MAP4K4: variants seen among roughly 807,000 people sequenced by gnomAD.
The protein encoded by MAP4K4 is HPK/GCK-like kinase HGK.
A neutral mutation model predicts 189.6 loss-of-function variants in MAP4K4; 38 were observed. That is an observed-to-expected ratio of 0.20 (90% confidence interval 0.15 to 0.26). The LOEUF is 0.26. Among genes scored for constraint, MAP4K4 ranks in the 10% least tolerant of loss-of-function variants. The pLI is 1.00. For synonymous variants in MAP4K4, 610 were observed against 624.3 expected, an observed-to-expected ratio of 0.98 and a Z score of 0.34; for missense variants, 1,054 against 1,726.9, an observed-to-expected ratio of 0.61 and a Z score of 6.91.
At chr2:101,886,202 A>G (rs895395078) in intron 29 of MAP4K4, among the ~76,000 whole-genome samples, 2 of 152,190 alleles carry the variant, frequency 1.3e-5, no homozygotes, top group Non-Finnish European at 2.9e-5. Flanking sequence ...TCCTTTATAT[A>G]CCAGGTACCG....
At chr2:101,717,836 A>G (rs2049273160) in intron 2 of MAP4K4, among the ~76,000 whole-genome samples, 1 of 152,216 alleles carries the variant, frequency 6.6e-6, no homozygotes, top group Non-Finnish European at 1.5e-5. Flanking sequence ...ATAGGATGAC[A>G]CTGGAAGCTA....
intron 18 of MAP4K4, 75 bp from the exon 19 acceptor site, chr2:101,866,353 C>CATGCA: frequency 7.0e-7 from 1 of 1,429,418 alleles, no homozygotes; most frequent in South Asian, 1.3e-5. Context: ...ATGGGCACAC[C>CATGCA]ATGCACATGT....
intron 2 of MAP4K4, among the ~76,000 whole-genome samples, chr2:101,754,776 C>T (rs1293914084): frequency 4.6e-5 from 7 of 152,188 alleles, no homozygotes; most frequent in Non-Finnish European, 8.8e-5. Flanking sequence ...ATGCCAACTC[C>T]TCAGTCCTCA....
Position 101,716,383 on chromosome 2 carries a change from C to T in MAP4K4, c.123+17845C>T, listed in dbSNP as rs191010747. Among the ~76,000 whole-genome samples, 535 of 152,120 alleles carry T rather than the reference C, an allele frequency of 3.5e-3. 2 individuals carry two copies. Among genetic ancestry groups the T allele is most frequent in the African/African-American group, 0.012 (517 of 41,488 alleles). On this transcript the variant is annotated intron_variant, in intron 2 of 32. Coordinates refer to ENST00000324219, the Ensembl canonical transcript of MAP4K4. ...GCGTGAACCTGGGAGGCAGAGCTTG[C>T]GGTGAGCCAAGATTGTGTCATTGCA...
intron 2 of MAP4K4, among the ~76,000 whole-genome samples, chr2:101,731,969 G>A (rs2058691364): frequency 6.6e-6 from 1 of 152,072 alleles, no homozygotes; most frequent in African/African-American, 2.4e-5. Flanking sequence ...CCATAATTTT[G>A]TGTGGATTTA....
At chr2:101,822,434 G>T (rs1478170580) in intron 3 of MAP4K4, among the ~76,000 whole-genome samples, 1 of 152,188 alleles carries the variant, frequency 6.6e-6, no homozygotes. Flanking sequence ...AAGCTGTAAA[G>T]CCGCCATCTT....
At chr2:101,802,590 C>T (rs896575070) in intron 3 of MAP4K4, among the ~76,000 whole-genome samples, 16 of 152,142 alleles carry the variant, frequency 1.1e-4, no homozygotes, top group Admixed American at 1.3e-4. Context: ...CTCACGGCTG[C>T]CCAGCTCACT....
intron 29 of MAP4K4, 66 bp downstream of exon 29, chr2:101,885,353 T>C (rs2098465139): frequency 2.1e-6 from 2 of 937,122 alleles, no homozygotes; most frequent in East Asian, 5.3e-5. Flanking sequence ...AGTCAGGGAA[T>C]ATGTTTAAAA....
At chr2:101,819,167 T>C (rs1035685219) in intron 3 of MAP4K4, among the ~76,000 whole-genome samples, 5 of 152,314 alleles carry the variant, frequency 3.3e-5, no homozygotes, top group African/African-American at 1.2e-4. Context: ...TGTTTTCTGC[T>C]GTATCTTCCC....
chr2:101,755,057 A>G (rs1418894078), intron 2 of MAP4K4, among the ~76,000 whole-genome samples: 1 of 152,194 alleles, frequency 6.6e-6, no homozygotes, highest in Non-Finnish European at 1.5e-5. Context: ...CTTCATTTAT[A>G]TTAGCTAGGA....
intron 2 of MAP4K4, among the ~76,000 whole-genome samples, chr2:101,705,289 T>C (rs1344491293): frequency 6.6e-6 from 1 of 152,172 alleles, no homozygotes; most frequent in Non-Finnish European, 1.5e-5. Context: ...ATGATATATC[T>C]ACCCTTATGG....
exon 33 of MAP4K4, chr2:101,892,251 A>G (rs1425257071): frequency 6.6e-6 from 1 of 152,578 alleles, no homozygotes; most frequent in Non-Finnish European, 1.5e-5. Flanking sequence ...GATTTAGTTT[A>G]TATGTTTTTG....
chr2:101,759,159 G>T (rs960445399), intron 2 of MAP4K4, among the ~76,000 whole-genome samples: 11 of 151,678 alleles, frequency 7.3e-5, no homozygotes, highest in African/African-American at 2.7e-4. Context: ...AAAAAAGAAG[G>T]GTTGCCATTT....
chr2:101,860,924 T>G, exon 16 of MAP4K4: 1 of 1,606,766 alleles, frequency 6.2e-7, no homozygotes, highest in Non-Finnish European at 8.5e-7. Flanking sequence ...CCGATCAGAG[T>G]CTTTTTCCAA....
At chr2:101,766,362 G>A (rs1257714467) in intron 2 of MAP4K4, among the ~76,000 whole-genome samples, 1 of 152,148 alleles carries the variant, frequency 6.6e-6, no homozygotes, top group East Asian at 1.9e-4. Context: ...AATCAAATAA[G>A]TTGATTGGAT....
chr2:101,712,869 GTTGA>G (rs1189644783), intron 2 of MAP4K4, among the ~76,000 whole-genome samples: 2 of 149,982 alleles, frequency 1.3e-5, no homozygotes, highest in Non-Finnish European at 3.0e-5. Flanking sequence ...AACTTCAAGG[GTTGA>G]TTAATTAAAA....
intron 2 of MAP4K4, among the ~76,000 whole-genome samples, chr2:101,701,611 A>G (rs1390515649): frequency 6.6e-6 from 1 of 152,160 alleles, no homozygotes; most frequent in Non-Finnish European, 1.5e-5. Context: ...GTATAGTTGA[A>G]CAGTATGTAA....
intron 23 of MAP4K4, chr2:101,870,694 G>T (rs1002232887): frequency 1.9e-5 from 6 of 323,948 alleles, no homozygotes; most frequent in South Asian, 1.4e-4. Context: ...TGTCTGAGCG[G>T]GAGAGAAGCC....
chr2:101,776,043 T>C (rs921280420), intron 2 of MAP4K4, among the ~76,000 whole-genome samples: 1 of 152,238 alleles, frequency 6.6e-6, no homozygotes, highest in African/African-American at 2.4e-5. Context: ...CAATTTCTTA[T>C]TGGGAATGTG....
Sources: allele counts gnomAD v4.1 joint callset (sites outside exome capture counted in the v4.1 genomes callset), GRCh38; gene constraint gnomAD v4.1.1; transcripts MANE v1.5; gene names NCBI Gene and HGNC (gene_info 2026-07-23, HGNC 2026-07-21).